PNKD: variants seen among roughly 807,000 people sequenced by gnomAD.
PNKD encodes PNKD metallo-beta-lactamase domain containing.
Under a neutral mutation model 45.3 loss-of-function variants are expected in PNKD, and 36 were observed. That is an observed-to-expected ratio of 0.80 (90% CI 0.61 to 1.05). The LOEUF (loss-of-function observed/expected upper bound fraction) is 1.05, where lower values mean the gene tolerates loss of function less well. Among genes scored for constraint, PNKD ranks in the 50% least tolerant of loss-of-function variants. PNKD has a pLI of 0.00. For missense variants in PNKD, 511 were observed against 506.6 expected, an observed-to-expected ratio of 1.01 and a Z score of -0.08; for synonymous variants, 197 against 210.1, an observed-to-expected ratio of 0.94 and a Z score of 0.54.
At chr2:218,297,401 T>A (rs1179089704) in intron 2 of PNKD, among the ~76,000 whole-genome samples, 1 of 152,160 alleles carries the variant, frequency 6.6e-6, no homozygotes, top group Non-Finnish European at 1.5e-5. Flanking sequence ...AATCACACTG[T>A]GGCTGGTCAC....
intron 2 of PNKD, among the ~76,000 whole-genome samples, chr2:218,284,608 T>C (rs1692350973): frequency 6.6e-6 from 1 of 152,232 alleles, no homozygotes; most frequent in Non-Finnish European, 1.5e-5. Flanking sequence ...CATGTGCTAG[T>C]AGGCCTGCCT....
At chr2:218,304,841 G>C (rs1693366548) in intron 2 of PNKD, among the ~76,000 whole-genome samples, 1 of 151,972 alleles carries the variant, frequency 6.6e-6, no homozygotes. Flanking sequence ...TTGGGAGGCT[G>C]AGGTGGGTGG....
intron 2 of PNKD, chr2:218,275,939 C>A: frequency 6.8e-7 from 1 of 1,470,810 alleles, no homozygotes; most frequent in Non-Finnish European, 9.3e-7. Flanking sequence ...TTCCCTGCCT[C>A]CCAGGCAGTC....
intron 2 of PNKD, among the ~76,000 whole-genome samples, chr2:218,315,120 C>CCTTTCTTTCTTTCTTTCTTTCTTT (rs1244999801): frequency 1.7e-4 from 8 of 47,102 alleles, no homozygotes; most frequent in African/African-American, 3.3e-4. Flanking sequence ...TTCCTTCCTT[C>CCTTTCTTTCTTTCTTTCTTTCTTT]CTTTCTTTCT....
Position 218,276,023 on chromosome 2 carries a change from T to TA in PNKD, c.236+4475dup, listed in dbSNP as rs758382855. 4.3e-6 allele frequency: 7 copies of TA among 1,611,388 alleles called. No individual in the cohort carries two copies. In the Admixed American group the frequency reaches 8.4e-5, roughly 19 times the overall value. The stretch of plus-strand genomic sequence containing the variant: ...CCCTTCCTAGAGTGGGGCTGGGACT[T>TA]ACCAGGGTGAAACAAATGGCCCCCA... On this transcript the variant is annotated intron_variant, in intron 2 of 9. Transcript: ENST00000273077.
At chr2:218,333,076 G>A (rs1347371960) in intron 2 of PNKD, among the ~76,000 whole-genome samples, 1 of 152,166 alleles carries the variant, frequency 6.6e-6, no homozygotes, top group African/African-American at 2.4e-5. Context: ...GTCTACAGTA[G>A]GGCCTCTTCC....
At chr2:218,286,830 C>A (rs1317726406) in intron 2 of PNKD, 1 of 145,358 alleles carries the variant, frequency 6.9e-6, no homozygotes, top group Non-Finnish European at 1.5e-5. Flanking sequence ...AGCCTGCCCT[C>A]CTCCCTGCCA....
intron 2 of PNKD, chr2:218,275,357 C>G: frequency 7.3e-7 from 1 of 1,375,164 alleles, no homozygotes; most frequent in Non-Finnish European, 9.7e-7. Flanking sequence ...AGAAAGGAAA[C>G]TGGGCATGTT....
chr2:218,279,324 G>A (rs1691606011), intron 2 of PNKD: 2 of 1,588,228 alleles, frequency 1.3e-6, no homozygotes, highest in Admixed American at 1.8e-5. Flanking sequence ...CCACAGTGAT[G>A]AGCAGCTGCA....
At chr2:218,280,382 T>TG in intron 2 of PNKD, 1 of 417,518 alleles carries the variant, frequency 2.4e-6, no homozygotes, top group East Asian at 5.2e-5. Flanking sequence ...CCCACGCCAC[T>TG]GGGGGTTCAC....
Position 218,340,650 on chromosome 2 carries a change from C to T in PNKD, c.466-78C>T, listed in dbSNP as rs1158112112. ...TGCTCTCCTCTCCTCTCCACCAGCG[C>T]CCACACTCCTGGCTCTTGCTGCTTC... On this transcript the variant is annotated intron_variant, in intron 4 of 9. Coordinates refer to ENST00000273077, the MANE Select transcript of PNKD (RefSeq NM_015488.5). The surrounding 1 kb of genome is among the most constrained non-coding windows in gnomAD (Gnocchi z 4.2). 2 of 1,023,210 alleles carry T rather than the reference C, an allele frequency of 2.0e-6. No homozygotes were observed. Among genetic ancestry groups the T allele is most frequent in the Non-Finnish European group, 3.1e-6 (2 of 641,380 alleles). The allele number at this position is 1,023,210 out of a possible 1,614,324, so 63.4% of individuals were successfully genotyped here.
intron 6 of PNKD, 150 bp from the exon 7 acceptor site, chr2:218,341,831 C>T (rs991946020): frequency 8.4e-5 from 66 of 783,012 alleles, no homozygotes; most frequent in Non-Finnish European, 1.2e-4. Context: ...GGGGAGGGTT[C>T]GGACCTGAGA....
At position 218,340,651 on chromosome 2, in the gene PNKD, C is replaced by A; in HGVS notation, c.466-77C>A. ...GCTCTCCTCTCCTCTCCACCAGCGC[C>A]CACACTCCTGGCTCTTGCTGCTTCA... On this transcript the variant is annotated intron_variant, in intron 4 of 9. Transcript: ENST00000273077. The surrounding 1 kb of genome is among the most constrained non-coding windows in gnomAD (Gnocchi z 4.2). 9.6e-7 allele frequency: 1 copy of A among 1,041,250 alleles called. No individual in the cohort carries two copies. The highest frequency in any genetic ancestry group is 1.5e-6 in the Non-Finnish European group (1 of 657,800). 64.5% of individuals were successfully genotyped at this position (1,041,250 alleles called of 1,614,324 possible).
chr2:218,280,277 ACACCCTC>A, intron 2 of PNKD: 2 of 636,430 alleles, frequency 3.1e-6, no homozygotes, highest in Non-Finnish European at 5.6e-6. Context: ...GGTCTTCTAG[ACACCCTC>A]AGAGTGACCC....
intron 2 of PNKD, among the ~76,000 whole-genome samples, chr2:218,315,120 C>CCTTTCTTTCTTTCTTT: frequency 2.1e-5 from 1 of 47,174 alleles, no homozygotes; most frequent in South Asian, 1.9e-3. Context: ...TTCCTTCCTT[C>CCTTTCTTTCTTTCTTT]CTTTCTTTCT....
At chr2:218,310,074 G>A (rs1574684705) in intron 2 of PNKD, among the ~76,000 whole-genome samples, 1 of 152,070 alleles carries the variant, frequency 6.6e-6, no homozygotes, top group Admixed American at 6.6e-5. Flanking sequence ...TGCCATCCTC[G>A]GGTGCTGGCA....
intron 2 of PNKD, among the ~76,000 whole-genome samples, chr2:218,315,114 TTCCTTCC>T (rs1168207732): frequency 7.2e-6 from 1 of 138,748 alleles, no homozygotes; most frequent in East Asian, 2.2e-4. Context: ...CCTTCCTTCC[TTCCTTCC>T]TTTCTTTCTT....
intron 2 of PNKD, among the ~76,000 whole-genome samples, chr2:218,308,875 G>A (rs538623622): frequency 5.3e-5 from 8 of 151,978 alleles, no homozygotes; most frequent in East Asian, 1.9e-4. Flanking sequence ...GTGAGCCACC[G>A]TGCCCAGCCT....
chr2:218,275,519 AGAT>A, intron 2 of PNKD: 1 of 1,614,158 alleles, frequency 6.2e-7, no homozygotes. Flanking sequence ...GTGAAGATGT[AGAT>A]GATGTCTGTG....
Sources: allele counts gnomAD v4.1 joint callset (sites outside exome capture counted in the v4.1 genomes callset), GRCh38; gene constraint gnomAD v4.1.1; non-coding constraint Gnocchi (gnomAD v3.1); transcripts MANE v1.5; gene names NCBI Gene and HGNC (gene_info 2026-07-23, HGNC 2026-07-21).